The following BCL2L13 variants were observed in gnomAD, a reference collection of about 807,000 sequenced individuals.
BCL2L13 encodes BCL2 like 13.
Under a neutral mutation model 25.8 loss-of-function variants are expected in BCL2L13, and 13 were observed. That is an observed-to-expected ratio of 0.50 (90% CI 0.33 to 0.80). The LOEUF is 0.80. Among genes scored for constraint, BCL2L13 ranks in the 30% least tolerant of loss-of-function variants. BCL2L13 has a pLI of 0.02. For synonymous variants in BCL2L13, 244 were observed against 230.3 expected (o/e 1.06, Z -0.54); for missense variants, 504 against 574.9 (o/e 0.88, Z 1.26).
At chr22:17,722,234 T>G (rs868537576) in intron 6 of BCL2L13, among the ~76,000 whole-genome samples, 10 of 152,048 alleles carry the variant, frequency 6.6e-5, no homozygotes, top group Admixed American at 2.0e-4. Flanking sequence ...TTGCCTCTGT[T>G]TTTTTTGGAA....
Position 17,632,511 on chromosome 22 carries a change from C to A in BCL2L13, c.-650+3506C>A, listed in dbSNP as rs5747296. On this transcript the variant is annotated intron_variant, in intron 1 of 6. Transcript: ENST00000399782. ...CAGGAGTATGGAATATGCTAGAGGA[C>A]TATTCTACCCTCTAGCATCCCTAGG... Among the ~76,000 whole-genome samples, 420 of 151,978 alleles carry A rather than the reference C, an allele frequency of 2.8e-3. 1 individual carries two copies. The highest frequency in any genetic ancestry group is 8.2e-3 in the African/African-American group (341 of 41,454).
At chr22:17,672,986 T>G (rs1284372755) in intron 2 of BCL2L13, among the ~76,000 whole-genome samples, 4 of 152,200 alleles carry the variant, frequency 2.6e-5, no homozygotes, top group Non-Finnish European at 5.9e-5. Flanking sequence ...CGTCAAAAAT[T>G]ATAGTCGTAT....
chr22:17,631,706 A>ATTTTTT (rs71201849), intron 1 of BCL2L13, among the ~76,000 whole-genome samples: 2 of 10,924 alleles, frequency 1.8e-4, no homozygotes, highest in Non-Finnish European at 3.5e-4. Flanking sequence ...ATATATATAT[A>ATTTTTT]TTTTTTTTTT....
chr22:17,672,387 C>T (rs1490594731), intron 2 of BCL2L13, among the ~76,000 whole-genome samples: 1 of 152,184 alleles, frequency 6.6e-6, no homozygotes, highest in Non-Finnish European at 1.5e-5. Context: ...CTTCTATTCA[C>T]TTTGATAGCT....
Position 17,662,323 on chromosome 22 carries a change from C to T in BCL2L13, c.121+6491C>T, listed in dbSNP as rs562008413. 6.6e-5 allele frequency among the ~76,000 whole-genome samples: 10 copies of T among 151,994 alleles called. No homozygotes were observed. The South Asian group carries it at 2.1e-3, about 32-fold the overall frequency. ...GAAACCTCGTCTCTACTGAAAAAAA[C>T]AAAAATTAGCCAGGCATGGTGGCAG... On this transcript the variant is annotated intron_variant, in intron 2 of 6. Transcript: ENST00000317582.
In BCL2L13 at chr22:17,660,005, G is replaced by C; in HGVS notation, c.121+4173G>C. On this transcript the variant is annotated intron_variant, in intron 2 of 6. Coordinates refer to ENST00000317582, the MANE Select transcript of BCL2L13 (RefSeq NM_015367.4). ...CGAGTAGCTGGGACTACAGGCACGC[G>C]CCACTGCGCCGAGCTCATTTTTATA... Among the ~76,000 whole-genome samples, 2 of 146,026 alleles carry C rather than the reference G, an allele frequency of 1.4e-5. 1 individual carries two copies. Among genetic ancestry groups the C allele is most frequent in the Non-Finnish European group, 3.1e-5 (2 of 64,242 alleles).
At chr22:17,648,318 A>G (rs151106899) in intron 1 of BCL2L13, among the ~76,000 whole-genome samples, 5 of 152,062 alleles carry the variant, frequency 3.3e-5, no homozygotes, top group Non-Finnish European at 7.4e-5. Flanking sequence ...GTTACATAAT[A>G]GTGTTCTTGG....
chr22:17,720,602 C>T (rs985588940), intron 6 of BCL2L13, among the ~76,000 whole-genome samples: 27 of 150,598 alleles, frequency 1.8e-4, no homozygotes, highest in African/African-American at 6.1e-4. Context: ...TGACCTCAGG[C>T]GATCAGCCTG....
chr22:17,670,775 A>G (rs1467126897), intron 2 of BCL2L13, among the ~76,000 whole-genome samples: 1 of 152,260 alleles, frequency 6.6e-6, no homozygotes, highest in African/African-American at 2.4e-5. Context: ...TTCTATCAGG[A>G]ACAGAAGATG....
chr22:17,693,135 A>T (rs1368522520), intron 4 of BCL2L13, among the ~76,000 whole-genome samples: 1 of 151,920 alleles, frequency 6.6e-6, no homozygotes, highest in Non-Finnish European at 1.5e-5. Context: ...TGGGTTTGGG[A>T]TAATTTCTTA....
In BCL2L13 at chr22:17,729,848, C is replaced by G. The variant is rs1252295325; in HGVS notation, c.*2314C>G. ...CTGAGTTAACAGGATGTGGCAGCAT[C>G]CCTGTTCTTCCTTCACGTCCTCACC... is the stretch of plus-strand genomic sequence containing the variant. On this transcript the variant is annotated 3_prime_UTR_variant, in exon 7 of 7. Coordinates refer to ENST00000317582, the MANE Select transcript of BCL2L13 (RefSeq NM_015367.4). 3 of 152,246 alleles carry G rather than the reference C, an allele frequency of 2.0e-5. No homozygotes were observed. Among genetic ancestry groups the G allele is most frequent in the African/African-American group, 7.2e-5 (3 of 41,452 alleles). 9.4% of individuals were successfully genotyped at this position (152,246 alleles called of 1,614,324 possible).
At chr22:17,667,591 C>T (rs970353508) in intron 2 of BCL2L13, among the ~76,000 whole-genome samples, 5 of 152,102 alleles carry the variant, frequency 3.3e-5, no homozygotes, top group Admixed American at 2.6e-4. Flanking sequence ...TCACTGCAAC[C>T]TCAGCCTCCC....
At chr22:17,680,081 G>T (rs1401228735) in intron 2 of BCL2L13, among the ~76,000 whole-genome samples, 1 of 151,778 alleles carries the variant, frequency 6.6e-6, no homozygotes, top group Admixed American at 6.6e-5. Flanking sequence ...GGGCGTGTTG[G>T]CAGGCACTTG....
chr22:17,687,218 G>A (rs953811848), intron 3 of BCL2L13, among the ~76,000 whole-genome samples: 7 of 152,128 alleles, frequency 4.6e-5, no homozygotes, highest in South Asian at 2.1e-4. Context: ...GCCTTGCATC[G>A]CATTTGTACT....
rs10684670 is a variant in BCL2L13 at position 17,646,716 on chromosome 22, CTTTTTTTT to C, written c.-51+7844_-51+7851del. On this transcript the variant is annotated intron_variant, in intron 1 of 6. Transcript: ENST00000317582. ...TTGAAAAGAATCTTGAAATATCTGT[CTTTTTTTT>C]TTTTTTTTTTTTTGAGATAGAGTCT... 8.0e-4 allele frequency among the ~76,000 whole-genome samples: 71 copies of C among 89,192 alleles called. 2 individuals carry two copies. The highest frequency in any genetic ancestry group is 2.7e-3 in the African/African-American group (58 of 21,200). 58.5% of individuals were successfully genotyped at this position (89,192 alleles called of 152,430 possible). A position where few individuals can be genotyped will look rare whatever the true frequency, so the allele number is the denominator to read the frequency against.
Position 17,653,808 on chromosome 22 carries a change from T to C in BCL2L13, c.-50-1854T>C, listed in dbSNP as rs114569744. ...CATGAGCCACTGTGCCAACCACTTA[T>C]ATCTATAGCCATTTTATTTTGTATA... On this transcript the variant is annotated intron_variant, in intron 1 of 6. Coordinates refer to ENST00000317582, the MANE Select transcript of BCL2L13 (RefSeq NM_015367.4). 3.1e-3 allele frequency among the ~76,000 whole-genome samples: 475 copies of C among 151,108 alleles called. 3 individuals carry two copies. Among genetic ancestry groups the C allele is most frequent in the African/African-American group, 0.011 (446 of 40,596 alleles).
At chr22:17,716,457 A>G (rs1027847286) in intron 6 of BCL2L13, among the ~76,000 whole-genome samples, 1 of 152,194 alleles carries the variant, frequency 6.6e-6, no homozygotes, top group Non-Finnish European at 1.5e-5. Context: ...GTAGGGCACA[A>G]TGAGTAACCT....
intron 1 of BCL2L13, among the ~76,000 whole-genome samples, chr22:17,642,455 G>A (rs990231177): frequency 2.0e-5 from 3 of 152,126 alleles, no homozygotes; most frequent in African/African-American, 4.8e-5. Flanking sequence ...CACCACGCCC[G>A]GCCTGTCTGG....
chr22:17,632,840 G>C (rs1235654694), intron 1 of BCL2L13, among the ~76,000 whole-genome samples: 4 of 147,018 alleles, frequency 2.7e-5, no homozygotes, highest in Non-Finnish European at 5.9e-5. Flanking sequence ...TGCAACCTCT[G>C]CCTCCCGGGT....
Sources: gnomAD v4.1 joint callset for allele counts (sites outside exome capture counted in the v4.1 genomes callset) on GRCh38, gnomAD v4.1.1 for gene constraint, MANE v1.5 for transcripts, NCBI Gene and HGNC (gene_info 2026-07-23, HGNC 2026-07-21) for gene names.